PRKD1: variants seen among roughly 807,000 people sequenced by gnomAD.
PRKD1 encodes the protein protein kinase D1, also known as serine/threonine-protein kinase D1.
In PRKD1, 63 loss-of-function variants were observed where a neutral mutation model predicts 95.9. The ratio of observed to expected loss-of-function variants is 0.66; its 90% CI spans 0.54 to 0.81. The LOEUF is 0.81. Ranked by LOEUF, PRKD1 falls within the 30% of genes least tolerant of loss-of-function variation. The probability of loss-of-function intolerance (pLI) is 0.00; values close to 1 mark genes in which losing one functional copy is unlikely to be tolerated. For synonymous variants in PRKD1, 425 were observed against 423.1 expected (o/e 1.00, Z -0.05); for missense variants, 1,048 against 1,165.3 (o/e 0.90, Z 1.47).
chr14:29,922,927 T>A (rs949141548), intron 1 of PRKD1, among the ~76,000 whole-genome samples: 1 of 151,656 alleles, frequency 6.6e-6, no homozygotes, highest in African/African-American at 2.4e-5. Flanking sequence ...TACTTAAGAA[T>A]CACTTAATAG....
intron 1 of PRKD1, among the ~76,000 whole-genome samples, chr14:29,811,119 G>T (rs1233001996): frequency 6.6e-6 from 1 of 152,156 alleles, no homozygotes; most frequent in Non-Finnish European, 1.5e-5. Flanking sequence ...AGGGCCCCTT[G>T]TTCATAAAGC....
chr14:29,901,516 A>C (rs1179663129), intron 1 of PRKD1, among the ~76,000 whole-genome samples: 5 of 152,234 alleles, frequency 3.3e-5, no homozygotes, highest in Non-Finnish European at 5.9e-5. Flanking sequence ...TCAATAGTAC[A>C]ACAGCAACAA....
At chr14:29,766,466 T>A (rs911874577) in intron 1 of PRKD1, among the ~76,000 whole-genome samples, 14 of 152,194 alleles carry the variant, frequency 9.2e-5, no homozygotes, top group Admixed American at 2.6e-4. Context: ...CTTACAGGTA[T>A]GATAACAACG....
chr14:29,790,743 C>A (rs1417257898), intron 1 of PRKD1, among the ~76,000 whole-genome samples: 1 of 152,178 alleles, frequency 6.6e-6, no homozygotes, highest in Non-Finnish European at 1.5e-5. Context: ...ATATTTTATT[C>A]ATTCACTCAC....
intron 4 of PRKD1, among the ~76,000 whole-genome samples, chr14:29,653,511 G>A (rs984603816): frequency 1.3e-5 from 2 of 151,902 alleles, no homozygotes; most frequent in African/African-American, 4.8e-5. Context: ...TATATCCTAT[G>A]GTCACACAGG....
At chr14:29,733,919 T>C (rs1304268057) in intron 1 of PRKD1, among the ~76,000 whole-genome samples, 1 of 152,052 alleles carries the variant, frequency 6.6e-6, no homozygotes, top group African/African-American at 2.4e-5. Context: ...TATGTTCATG[T>C]TTTCATTTAA....
rs766315428 is a variant in PRKD1 at position 29,636,321 on chromosome 14, G to C, written c.1159C>G (p.Pro387Ala). The C allele has an allele frequency of 1.2e-6, 2 of 1,614,166 alleles. No individual in the cohort carries two copies. The highest frequency in any genetic ancestry group is 1.7e-6 in the Non-Finnish European group (2 of 1,180,032). The change falls in exon 7 of 18, where the codon CCA (proline) becomes GCA (alanine). Residue 387 changes from proline to alanine, a missense_variant. This residue lies in a region of PRKD1 where 739 missense variants were observed against 861.9 expected (regional missense o/e 0.86). Transcript: ENST00000331968. ...NDSGEMQDPD[P>A]DHEDANRTIS... ...GTTCTGTTGGCGTCCTCGTGGTCTG[G>C]GTCTGGATCTTGCATCTCGCCACTG...
intron 2 of PRKD1, among the ~76,000 whole-genome samples, chr14:29,693,627 C>CA (rs772835816): frequency 0.16 from 13,261 of 81,116 alleles, 713 homozygotes; most frequent in South Asian, 0.28. Flanking sequence ...TGACCTCAGT[C>CA]AAAAAAAAAA....
At chr14:29,693,398 A>T (rs1009775052) in intron 2 of PRKD1, among the ~76,000 whole-genome samples, 1 of 152,034 alleles carries the variant, frequency 6.6e-6, no homozygotes, top group Non-Finnish European at 1.5e-5. Flanking sequence ...GAGGCGTAAA[A>T]AATGTAAATT....
chr14:29,879,285 C>G (rs113561053), intron 1 of PRKD1, among the ~76,000 whole-genome samples: 1 of 152,128 alleles, frequency 6.6e-6, no homozygotes. Context: ...TGGGAGGGAC[C>G]GCGGTGGGGC....
At chr14:29,886,858 A>G (rs1232500259) in intron 1 of PRKD1, among the ~76,000 whole-genome samples, 3 of 152,238 alleles carry the variant, frequency 2.0e-5, no homozygotes, top group East Asian at 3.8e-4. Context: ...TTATCACAGC[A>G]TTATCATCCA....
intron 7 of PRKD1, among the ~76,000 whole-genome samples, chr14:29,636,066 C>T (rs2139128118): frequency 6.7e-6 from 1 of 148,940 alleles, no homozygotes; most frequent in African/African-American, 2.5e-5. Flanking sequence ...AAAAATAGTT[C>T]AATGAATGAG....
intron 2 of PRKD1, among the ~76,000 whole-genome samples, chr14:29,681,341 G>A (rs183020904): frequency 4.8e-4 from 73 of 151,952 alleles, no homozygotes; most frequent in African/African-American, 1.6e-3. Flanking sequence ...GTCACTTCAT[G>A]AAAATGAGAA....
chr14:29,631,166 C>A, intron 9 of PRKD1, 145 bp from the exon 10 acceptor site: 10 of 800,340 alleles, frequency 1.2e-5, no homozygotes, highest in Non-Finnish European at 1.9e-5. Flanking sequence ...ACACAGAATA[C>A]TGCTAAGCAA....
chr14:29,596,077 C>A (rs1405881973), intron 16 of PRKD1, among the ~76,000 whole-genome samples: 1 of 152,122 alleles, frequency 6.6e-6, no homozygotes, highest in African/African-American at 2.4e-5. Context: ...TAAGATATAT[C>A]CATCCACCTA....
chr14:29,738,807 CTCTG>C lies in PRKD1; in HGVS notation c.265-13137_265-13134del, dbSNP rs1190107774. Among the ~76,000 whole-genome samples, 3 of 150,572 alleles carry C rather than the reference CTCTG, an allele frequency of 2.0e-5. No individual in the cohort carries two copies. The East Asian group carries it at 5.8e-4, about 29-fold the overall frequency. ...TTTCTTTCTCTCTCTCTTTCTTTCTCTCTGTCTCTCTCTCTTTCTTTTTTCTTTT... is the reference window on the plus strand; with the variant it reads ...TTTCTTTCTCTCTCTCTTTCTTTCTCTCTCTCTCTCTTTCTTTTTTCTTTT... On this transcript the variant is annotated intron_variant, in intron 1 of 17. Transcript: ENST00000331968.
At chr14:29,601,946 G>T (rs549200417) in intron 13 of PRKD1, among the ~76,000 whole-genome samples, 1 of 152,156 alleles carries the variant, frequency 6.6e-6, no homozygotes, top group Non-Finnish European at 1.5e-5. Flanking sequence ...ACATGAGTTC[G>T]GCTAGAGTTC....
chr14:29,850,479 C>G (rs866265081), intron 1 of PRKD1, among the ~76,000 whole-genome samples: 1 of 145,408 alleles, frequency 6.9e-6, no homozygotes, highest in Non-Finnish European at 1.5e-5. Context: ...CACACACACA[C>G]ATATACACAC....
intron 2 of PRKD1, among the ~76,000 whole-genome samples, chr14:29,725,117 C>T (rs1258443586): frequency 6.6e-6 from 1 of 152,134 alleles, no homozygotes; most frequent in Non-Finnish European, 1.5e-5. Flanking sequence ...GGACTTTTGA[C>T]CTTAGTAAGT....
Sources: allele counts gnomAD v4.1 joint callset (sites outside exome capture counted in the v4.1 genomes callset), GRCh38; gene constraint gnomAD v4.1.1; regional missense constraint gnomAD v4.1.1; transcripts MANE v1.5; gene names NCBI Gene and HGNC (gene_info 2026-07-23, HGNC 2026-07-21).